The following SPOPL variants were observed in gnomAD, a reference collection of about 807,000 sequenced individuals.
SPOPL encodes the protein speckle type BTB/POZ protein like, also known as speckle-type POZ protein-like.
Under a neutral mutation model 53.8 loss-of-function variants are expected in SPOPL, and 23 were observed. The ratio of observed to expected loss-of-function variants is 0.43; its 90% CI spans 0.31 to 0.61. The LOEUF is 0.61. Among genes scored for constraint, SPOPL ranks in the 20% least tolerant of loss-of-function variants. SPOPL has a pLI of 0.12. For synonymous variants in SPOPL, 164 were observed against 149.7 expected, an observed-to-expected ratio of 1.10 and a Z score of -0.70; for missense variants, 442 against 466.9, an observed-to-expected ratio of 0.95 and a Z score of 0.49.
rs1386658723 is a variant in SPOPL, at chr2:138,572,127, G to A, written c.*3047G>A. 1 of 152,408 alleles carries A rather than the reference G, an allele frequency of 6.6e-6. No individual in the cohort carries two copies. Among genetic ancestry groups the A allele is most frequent in the Non-Finnish European group, 1.5e-5 (1 of 67,988 alleles). The allele number at this position is 152,408 out of a possible 1,614,324, so 9.4% of individuals were successfully genotyped here. ...AATAGAAATCAGTTAAATGTTGAAA[G>A]TTCAGGTTAGCAGAAATATTTCATT... On this transcript the variant is annotated 3_prime_UTR_variant, in exon 11 of 11. Transcript: ENST00000280098.
intron 1 of SPOPL, among the ~76,000 whole-genome samples, chr2:138,535,188 T>C (rs1684900364): frequency 1.3e-5 from 2 of 152,198 alleles, no homozygotes; most frequent in East Asian, 1.9e-4. Context: ...GGAAAATTCA[T>C]TGTGTACATG....
chr2:138,564,381 A>G (rs917138519), intron 8 of SPOPL: 3 of 235,932 alleles, frequency 1.3e-5, no homozygotes, highest in African/African-American at 4.6e-5. Flanking sequence ...CATGCAGTAT[A>G]CTTGGTGGTA....
chr2:138,535,537 T>A (rs1049043588), intron 1 of SPOPL, among the ~76,000 whole-genome samples: 4 of 149,218 alleles, frequency 2.7e-5, no homozygotes, highest in South Asian at 2.1e-4. Flanking sequence ...TTTTTTTTTT[T>A]AATAGCCATT....
intron 1 of SPOPL, among the ~76,000 whole-genome samples, chr2:138,529,561 C>A (rs1219039081): frequency 1.3e-5 from 2 of 150,984 alleles, no homozygotes; most frequent in African/African-American, 4.9e-5. Context: ...CTTCTGCATT[C>A]TCCTTTTTCA....
At chr2:138,560,441 T>A (rs1685518983) in intron 7 of SPOPL, among the ~76,000 whole-genome samples, 2 of 150,822 alleles carry the variant, frequency 1.3e-5, no homozygotes, top group Admixed American at 6.8e-5. Flanking sequence ...GTTTTCTGTT[T>A]GTTTACTTGT....
chr2:138,505,199 A>G (rs1338184932), intron 1 of SPOPL, among the ~76,000 whole-genome samples: 1 of 151,980 alleles, frequency 6.6e-6, no homozygotes, highest in Non-Finnish European at 1.5e-5. Flanking sequence ...TTCTCTTTTC[A>G]TGTTGTTTAG....
chr2:138,510,534 A>G lies in SPOPL; in HGVS notation c.-61+8415A>G, dbSNP rs183313438. Among the ~76,000 whole-genome samples the G allele has an allele frequency of 2.3e-4, 35 of 152,310 alleles. No individual in the cohort carries two copies. In the East Asian group the frequency reaches 6.0e-3, roughly 26 times the overall value. ...AGGGGTGTTGAAGTGTCCAACTACA[A>G]TAGTGGATTCATCTATTTCTCTTTG... On this transcript the variant is annotated intron_variant, in intron 1 of 10. Coordinates refer to ENST00000280098, the MANE Select transcript of SPOPL (RefSeq NM_001001664.3).
At chr2:138,528,973 G>GA (rs1299132366) in intron 1 of SPOPL, among the ~76,000 whole-genome samples, 5 of 152,108 alleles carry the variant, frequency 3.3e-5, no homozygotes, top group Non-Finnish European at 5.9e-5. Context: ...AAAACCTTTA[G>GA]AAAAAATCTG....
At chr2:138,534,677 T>C (rs952545101) in intron 1 of SPOPL, among the ~76,000 whole-genome samples, 1 of 152,188 alleles carries the variant, frequency 6.6e-6, no homozygotes, top group African/African-American at 2.4e-5. Flanking sequence ...CTTAGTACAT[T>C]GACAGTGTTG....
At chr2:138,522,755 T>C (rs1023260554) in intron 1 of SPOPL, among the ~76,000 whole-genome samples, 1 of 152,192 alleles carries the variant, frequency 6.6e-6, no homozygotes, top group Non-Finnish European at 1.5e-5. Context: ...CACAGCTGTT[T>C]CTATTTCAGA....
At chr2:138,520,638 A>G (rs1055525410) in intron 1 of SPOPL, among the ~76,000 whole-genome samples, 4 of 152,182 alleles carry the variant, frequency 2.6e-5, no homozygotes, top group African/African-American at 7.2e-5. Context: ...CATGGCCTAC[A>G]TTAGTGTAGG....
intron 5 of SPOPL, among the ~76,000 whole-genome samples, chr2:138,557,647 G>A (rs575729418): frequency 5.3e-5 from 8 of 152,182 alleles, no homozygotes; most frequent in African/African-American, 1.2e-4. Flanking sequence ...AATTAATGCA[G>A]CTATCTATTG....
In SPOPL at chr2:138,529,263, C is replaced by A. The variant is rs371033374; in HGVS notation, c.-60-20894C>A. ...AAATGGTTGTCCCTCTTAGGAAGCA[C>A]CTGCTGGAATAGTAGAGCTCTTTGC... On this transcript the variant is annotated intron_variant, in intron 1 of 10. Coordinates refer to ENST00000280098, the MANE Select transcript of SPOPL (RefSeq NM_001001664.3). Among the ~76,000 whole-genome samples the A allele has an allele frequency of 5.9e-5, 9 of 152,034 alleles. No homozygotes were observed. In the East Asian group the frequency reaches 9.7e-4, roughly 16 times the overall value.
rs185245907 is a variant in SPOPL at position 138,517,125 on chromosome 2, T to C, written c.-61+15006T>C. The stretch of plus-strand genomic sequence containing the variant: ...AGTATGGAATTAAGTACCATAACTA[T>C]GAGACATGTTTGTGTTTACAGGCAT... On this transcript the variant is annotated intron_variant, in intron 1 of 10. Coordinates refer to ENST00000280098, the MANE Select transcript of SPOPL (RefSeq NM_001001664.3). 5.3e-4 allele frequency among the ~76,000 whole-genome samples: 81 copies of C among 152,352 alleles called. 1 individual carries two copies. Among genetic ancestry groups the C allele is most frequent in the African/African-American group, 1.8e-3 (76 of 41,586 alleles).
intron 1 of SPOPL, among the ~76,000 whole-genome samples, chr2:138,511,110 A>G (rs913599923): frequency 1.3e-5 from 2 of 152,206 alleles, no homozygotes; most frequent in South Asian, 2.1e-4. Context: ...AATGAAGTAC[A>G]TCTTTTAAAA....
intron 1 of SPOPL, among the ~76,000 whole-genome samples, chr2:138,536,629 C>T (rs1684942001): frequency 6.6e-6 from 1 of 152,158 alleles, no homozygotes; most frequent in Non-Finnish European, 1.5e-5. Context: ...CAGGTGGGCT[C>T]CTCTCAGCTG....
chr2:138,539,038 C>A (rs190694446), intron 1 of SPOPL, among the ~76,000 whole-genome samples: 1 of 152,028 alleles, frequency 6.6e-6, no homozygotes, highest in Non-Finnish European at 1.5e-5. Context: ...CTGAGAATGA[C>A]GGTTTCCAGC....
intron 1 of SPOPL, among the ~76,000 whole-genome samples, chr2:138,517,428 A>G (rs1684461980): frequency 6.6e-6 from 1 of 152,160 alleles, no homozygotes; most frequent in African/African-American, 2.4e-5. Context: ...TGGGTAAAGA[A>G]ATCTTCAGTA....
In SPOPL at chr2:138,552,592, T is replaced by G; in HGVS notation, c.391T>G (p.Trp131Gly). ...ATATCGATTTGTGCAAGGGAAGGAC[T>G]GGGGTTTTAAAAAATTCATTAGAAG... is the stretch of plus-strand genomic sequence containing the variant. ...RAYRFVQGKD[W>G]GFKKFIRRDF... The change falls in exon 5 of 11, where the codon TGG (tryptophan) becomes GGG (glycine). Residue 131 changes from tryptophan to glycine, a missense_variant. Coordinates refer to ENST00000280098, the MANE Select transcript of SPOPL (RefSeq NM_001001664.3). 6.2e-7 allele frequency: 1 copy of G among 1,613,120 alleles called. No individual in the cohort carries two copies. The highest frequency in any genetic ancestry group is 2.2e-5 in the East Asian group (1 of 44,778).
Sources: gnomAD v4.1 joint callset for allele counts (sites outside exome capture counted in the v4.1 genomes callset) on GRCh38, gnomAD v4.1.1 for gene constraint, MANE v1.5 for transcripts, NCBI Gene and HGNC (gene_info 2026-07-23, HGNC 2026-07-21) for gene names.